The following PRC1 variants were observed in gnomAD, a reference collection of about 807,000 sequenced individuals.
PRC1 encodes the protein protein regulator of cytokinesis 1, also known as anaphase spindle elongation 1 homolog.
In PRC1, 54 loss-of-function variants were observed where a neutral mutation model predicts 91.2. The ratio of observed to expected loss-of-function variants is 0.59; its 90% CI spans 0.48 to 0.74. PRC1 has a LOEUF of 0.74. Ranked by LOEUF, PRC1 falls within the 30% of genes least tolerant of loss-of-function variation. PRC1 has a pLI of 0.00. For synonymous variants in PRC1, 275 were observed against 263.6 expected, an observed-to-expected ratio of 1.04 and a Z score of -0.42; for missense variants, 727 against 746.2, an observed-to-expected ratio of 0.97 and a Z score of 0.30.
chr15:90,975,417 G>A (rs76070992), intron 9 of PRC1, among the ~76,000 whole-genome samples: 4 of 152,074 alleles, frequency 2.6e-5, no homozygotes, highest in African/African-American at 4.8e-5. Flanking sequence ...CAGTTTCCTC[G>A]TCTGTAAAAA....
chr15:90,968,651 G>A (rs1007153061), intron 14 of PRC1: 80 of 1,004,144 alleles, frequency 8.0e-5, no homozygotes, highest in Middle Eastern at 5.1e-4. Context: ...TAGAGCTGGC[G>A]GTTAAGCCCT....
At chr15:90,986,760 T>C (rs941594108) in intron 1 of PRC1, among the ~76,000 whole-genome samples, 16 of 152,292 alleles carry the variant, frequency 1.1e-4, no homozygotes, top group Middle Eastern at 6.8e-3. Flanking sequence ...ATGGCGATTA[T>C]ACAACAGTAT....
intron 1 of PRC1, among the ~76,000 whole-genome samples, chr15:90,987,368 A>G (rs945410328): frequency 6.6e-6 from 1 of 152,222 alleles, no homozygotes; most frequent in African/African-American, 2.4e-5. Flanking sequence ...AGTGACTGGT[A>G]GAGGGCTTCT....
In PRC1 at chr15:90,976,671, A is replaced by G. The variant is rs745434223; in HGVS notation, c.1203+5T>C. 1.5e-5 allele frequency: 24 copies of G among 1,599,684 alleles called. No homozygotes were observed. The East Asian group carries it at 4.0e-4, about 27-fold the overall frequency. On this transcript the variant is annotated splice_donor_5th_base_variant and intron_variant, in intron 9 of 14. Transcript: ENST00000394249. ...AGCATCAAAAACCCTTAGCAACATTATTACCTTGGGCAGCATTTTCTGGAG... is the reference window on the plus strand; with the variant it reads ...AGCATCAAAAACCCTTAGCAACATTGTTACCTTGGGCAGCATTTTCTGGAG...
In PRC1 at chr15:90,969,158, A is replaced by C. The variant is rs369542239; in HGVS notation, c.1750-38T>G. 1.9e-6 allele frequency: 3 copies of C among 1,582,058 alleles called. No individual in the cohort carries two copies. In the African/African-American group the frequency reaches 4.0e-5, roughly 21 times the overall value. On this transcript the variant is annotated intron_variant, in intron 13 of 14. Coordinates refer to ENST00000394249, the MANE Select transcript of PRC1 (RefSeq NM_003981.4). ...AATTAAGACAATTACCAAGAACTCCACCAAGAGAGCACCAGGACAGTGATA... is the reference window on the plus strand; with the variant it reads ...AATTAAGACAATTACCAAGAACTCCCCCAAGAGAGCACCAGGACAGTGATA...
chr15:90,978,775 A>C (rs1009504294), intron 8 of PRC1, among the ~76,000 whole-genome samples: 28 of 149,558 alleles, frequency 1.9e-4, no homozygotes, highest in African/African-American at 6.8e-4. Context: ...AAAAAAAAAA[A>C]AAAGTGCCAT....
chr15:90,974,113 G>A lies in PRC1; in HGVS notation c.1461+23C>T. ...CCTCACCCACTCCCTTGAAATCAGTGTTTCCCTAAGCCTTGTGTTTACCTT... is the reference window on the plus strand; with the variant it reads ...CCTCACCCACTCCCTTGAAATCAGTATTTCCCTAAGCCTTGTGTTTACCTT... On this transcript the variant is annotated intron_variant, in intron 11 of 14. Transcript: ENST00000394249. The surrounding 1 kb of genome is among the most constrained non-coding windows in gnomAD (Gnocchi z 4.6). 6.3e-7 allele frequency: 1 copy of A among 1,599,322 alleles called. No homozygotes were observed. The highest frequency in any genetic ancestry group is 8.6e-7 in the Non-Finnish European group (1 of 1,166,594).
intron 11 of PRC1, among the ~76,000 whole-genome samples, chr15:90,973,610 G>C (rs1343035687): frequency 6.6e-6 from 1 of 151,986 alleles, no homozygotes; most frequent in African/African-American, 2.4e-5. Flanking sequence ...AAACCCGATC[G>C]TACGTACCTA....
chr15:90,967,713 C>T (rs1191089776), intron 14 of PRC1: 1 of 577,974 alleles, frequency 1.7e-6, no homozygotes, highest in East Asian at 1.4e-4. Flanking sequence ...GAGGAAAACG[C>T]CATACCATAT....
At chr15:90,975,805 G>A (rs2038629760) in intron 9 of PRC1, among the ~76,000 whole-genome samples, 3 of 152,104 alleles carry the variant, frequency 2.0e-5, no homozygotes, top group Non-Finnish European at 4.4e-5. Flanking sequence ...TCAACACAGC[G>A]AGACCCCATC....
intron 1 of PRC1, among the ~76,000 whole-genome samples, chr15:90,989,276 G>A (rs1277092988): frequency 6.6e-6 from 1 of 152,042 alleles, no homozygotes; most frequent in African/African-American, 2.4e-5. Context: ...TTGAGACAGG[G>A]CCTCACTGTC....
intron 13 of PRC1, 114 bp downstream of exon 13, chr15:90,969,333 C>G: frequency 1.4e-6 from 2 of 1,380,944 alleles, no homozygotes; most frequent in South Asian, 1.4e-5. Context: ...AAGGGATTCT[C>G]AGCCTCCAAG....
intron 12 of PRC1, 102 bp from the exon 13 acceptor site, chr15:90,969,725 C>T (rs1567179389): frequency 1.4e-5 from 11 of 800,024 alleles, no homozygotes; most frequent in Admixed American, 3.0e-5. Context: ...TCTTTATATT[C>T]ATGTCTATAA....
intron 1 of PRC1, among the ~76,000 whole-genome samples, chr15:90,989,714 G>T (rs919527617): frequency 6.6e-6 from 1 of 151,768 alleles, no homozygotes; most frequent in Non-Finnish European, 1.5e-5. Flanking sequence ...TTATGAATGG[G>T]TAAATAAAAT....
At chr15:90,968,006 G>C in intron 14 of PRC1, 1 of 985,182 alleles carries the variant, frequency 1.0e-6, no homozygotes, top group Non-Finnish European at 1.2e-6. Context: ...TGGTAGAGCA[G>C]CAAAAGATAA....
chr15:90,978,469 A>G (rs1379307215), intron 8 of PRC1, among the ~76,000 whole-genome samples: 1 of 152,078 alleles, frequency 6.6e-6, no homozygotes, highest in Non-Finnish European at 1.5e-5. Flanking sequence ...ATGTGCCATC[A>G]GGCCAGGCGT....
At chr15:90,968,819 C>T (rs2037780554) in intron 14 of PRC1, 4 of 1,284,634 alleles carry the variant, frequency 3.1e-6, no homozygotes, top group Admixed American at 6.5e-5. Flanking sequence ...TGGGGAGGGT[C>T]AAGGTTTTCT....
intron 11 of PRC1, among the ~76,000 whole-genome samples, chr15:90,972,596 G>A (rs759130614): frequency 1.3e-5 from 2 of 151,648 alleles, no homozygotes. Flanking sequence ...AATATTAGCC[G>A]GGTGTGGTGG....
At chr15:90,981,363 ATAT>A in intron 5 of PRC1, 133 bp downstream of exon 5, 1 of 1,016,510 alleles carries the variant, frequency 9.8e-7, no homozygotes, top group Non-Finnish European at 1.4e-6. Flanking sequence ...TGTATATCAT[ATAT>A]TACTATCCTT....
Sources: gnomAD v4.1 joint callset for allele counts (sites outside exome capture counted in the v4.1 genomes callset) on GRCh38, gnomAD v4.1.1 for gene constraint, Gnocchi (gnomAD v3.1) non-coding constraint, MANE v1.5 for transcripts, NCBI Gene and HGNC (gene_info 2026-07-23, HGNC 2026-07-21) for gene names.